The following ASIC2 variants were observed in gnomAD, a reference collection of about 807,000 sequenced individuals.
ASIC2 encodes the protein acid-sensing ion channel 2.
A neutral mutation model predicts 57.3 loss-of-function variants in ASIC2; 25 were observed. That is an observed-to-expected ratio of 0.44 (90% confidence interval 0.32 to 0.61). The LOEUF is 0.61. Among genes scored for constraint, ASIC2 ranks in the 20% least tolerant of loss-of-function variants. ASIC2 has a pLI of 0.06. For missense variants in ASIC2, 641 were observed against 738.1 expected, an observed-to-expected ratio of 0.87 and a Z score of 1.52; for synonymous variants, 319 against 307.5, an observed-to-expected ratio of 1.04 and a Z score of -0.39.
At chr17:33,266,179 A>G (rs1909451092) in intron 1 of ASIC2, among the ~76,000 whole-genome samples, 1 of 152,134 alleles carries the variant, frequency 6.6e-6, no homozygotes, top group African/African-American at 2.4e-5. Flanking sequence ...CAGTCACTCA[A>G]TCACCCTTCT....
chr17:33,951,728 G>A (rs144737497), intron 1 of ASIC2, among the ~76,000 whole-genome samples: 3,489 of 150,998 alleles, frequency 0.023, 138 homozygotes, highest in African/African-American at 0.08. Context: ...GACTACAGGC[G>A]TGTGCCACCA....
intron 1 of ASIC2, among the ~76,000 whole-genome samples, chr17:33,153,417 A>G (rs1904878262): frequency 6.6e-6 from 1 of 152,274 alleles, no homozygotes; most frequent in African/African-American, 2.4e-5. Flanking sequence ...ATAACTCAAG[A>G]GTTACATGAG....
intron 2 of ASIC2, among the ~76,000 whole-genome samples, chr17:33,098,365 A>G (rs2092192757): frequency 7.2e-6 from 1 of 138,474 alleles, no homozygotes; most frequent in Non-Finnish European, 1.6e-5. Context: ...TCCCTGACAG[A>G]TAGGCACTGT....
chr17:34,135,710 C>G (rs775836807), intron 1 of ASIC2, among the ~76,000 whole-genome samples: 6 of 152,088 alleles, frequency 3.9e-5, no homozygotes, highest in African/African-American at 1.4e-4. Context: ...TAATTCACAT[C>G]AAGGACTTGC....
intron 1 of ASIC2, among the ~76,000 whole-genome samples, chr17:33,564,231 A>G (rs1916164765): frequency 6.6e-6 from 1 of 152,152 alleles, no homozygotes; most frequent in African/African-American, 2.4e-5. Flanking sequence ...CTGCATCCCT[A>G]TCTCCAAGTC....
chr17:33,714,613 G>A (rs1232001307), intron 1 of ASIC2, among the ~76,000 whole-genome samples: 2 of 152,116 alleles, frequency 1.3e-5, no homozygotes, highest in Non-Finnish European at 2.9e-5. Context: ...CCATGAACAG[G>A]AAGGAAATCA....
chr17:33,405,294 A>T (rs1354521551), intron 1 of ASIC2, among the ~76,000 whole-genome samples: 1 of 152,110 alleles, frequency 6.6e-6, no homozygotes, highest in Non-Finnish European at 1.5e-5. Context: ...TGGGATTAGA[A>T]AAAAGGGACA....
chr17:33,096,164 T>G (rs1360752941), intron 2 of ASIC2, among the ~76,000 whole-genome samples: 1 of 152,254 alleles, frequency 6.6e-6, no homozygotes, highest in Non-Finnish European at 1.5e-5. Flanking sequence ...AACATTTTTC[T>G]TATTTCTTCT....
chr17:33,689,120 C>G (rs1021717197), intron 1 of ASIC2: 9 of 152,208 alleles, frequency 5.9e-5, no homozygotes, highest in Admixed American at 2.0e-4. Context: ...TAGGAATGCA[C>G]CTGGCCAAGA....
intron 1 of ASIC2, among the ~76,000 whole-genome samples, chr17:33,665,347 A>G (rs1907436585): frequency 6.6e-6 from 1 of 152,156 alleles, no homozygotes; most frequent in South Asian, 2.1e-4. Context: ...TCTGTAGACA[A>G]TGGCACCGTG....
chr17:33,544,066 C>A lies in ASIC2; in HGVS notation c.556-431999G>T, dbSNP rs1188837766. On this transcript the variant is annotated intron_variant, in intron 1 of 9. Transcript: ENST00000359872. ...ACCCCAACCCCTGGGAGCCTGCAGT[C>A]AATGATTTGTTTTCTGTGACTATGC... 2.6e-5 allele frequency among the ~76,000 whole-genome samples: 4 copies of A among 152,174 alleles called. No individual in the cohort carries two copies. In the East Asian group the frequency reaches 7.7e-4, roughly 29 times the overall value.
chr17:33,067,670 G>A (rs889917990), intron 3 of ASIC2, among the ~76,000 whole-genome samples: 2 of 152,196 alleles, frequency 1.3e-5, no homozygotes, highest in Non-Finnish European at 2.9e-5. Flanking sequence ...GTTTAGGGAT[G>A]CCTGTAAAGT....
In ASIC2 at chr17:34,101,223, G is replaced by C. The variant is rs115838773; in HGVS notation, c.555+54755C>G. On this transcript the variant is annotated intron_variant, in intron 1 of 9. Coordinates refer to the ASIC2 transcript ENST00000359872. Reference sequence around the variant, plus strand: ...GCTGTTGAGCATCCCAAATGTATCCGGTATTGTTTTAAGTACCAGAGACAC... The same window carrying C: ...GCTGTTGAGCATCCCAAATGTATCCCGTATTGTTTTAAGTACCAGAGACAC... 5.8e-3 allele frequency among the ~76,000 whole-genome samples: 887 copies of C among 152,210 alleles called. 10 individuals carry two copies. Among genetic ancestry groups the C allele is most frequent in the African/African-American group, 0.02 (838 of 41,524 alleles).
At chr17:33,453,280 A>G (rs540771034) in intron 1 of ASIC2, among the ~76,000 whole-genome samples, 499 of 109,822 alleles carry the variant, frequency 4.5e-3, no homozygotes, top group Non-Finnish European at 7.9e-3. Flanking sequence ...TCTACAAAGC[A>G]GGTGAAAAAA....
chr17:33,928,249 C>T (rs1311346561), intron 1 of ASIC2, among the ~76,000 whole-genome samples: 1 of 152,212 alleles, frequency 6.6e-6, no homozygotes, highest in African/African-American at 2.4e-5. Context: ...TTCGAAGGTG[C>T]TCTCCTGGTG....
intron 1 of ASIC2, among the ~76,000 whole-genome samples, chr17:33,564,816 T>C (rs570564235): frequency 1.4e-4 from 17 of 122,722 alleles, no homozygotes; most frequent in Admixed American, 3.1e-4. Flanking sequence ...CTGCCCAGGA[T>C]GGAAAACTGC....
intron 1 of ASIC2, among the ~76,000 whole-genome samples, chr17:33,802,042 A>T (rs1214842848): frequency 6.6e-6 from 1 of 152,206 alleles, no homozygotes; most frequent in Non-Finnish European, 1.5e-5. Flanking sequence ...CATGGAGAGA[A>T]GGTGTTTTGA....
chr17:33,770,067 T>C (rs552839709), intron 1 of ASIC2, among the ~76,000 whole-genome samples: 1 of 152,330 alleles, frequency 6.6e-6, no homozygotes, highest in South Asian at 2.1e-4. Context: ...GGTAGGAGTT[T>C]ATGAAATGGA....
chr17:33,470,631 C>A (rs556364898), intron 1 of ASIC2, among the ~76,000 whole-genome samples: 1 of 152,300 alleles, frequency 6.6e-6, no homozygotes, highest in African/African-American at 2.4e-5. Flanking sequence ...CCATCACCTG[C>A]TCTTCAGTTC....
Sources: gnomAD v4.1 joint callset for allele counts (sites outside exome capture counted in the v4.1 genomes callset) on GRCh38, gnomAD v4.1.1 for gene constraint, MANE v1.5 for transcripts, NCBI Gene and HGNC (gene_info 2026-07-23, HGNC 2026-07-21) for gene names.